GSR: variants seen among roughly 807,000 people sequenced by gnomAD.
GSR encodes glutathione reductase, mitochondrial.
A neutral mutation model predicts 56.5 loss-of-function variants in GSR; 48 were observed. The observed-to-expected ratio is 0.85, with a 90% confidence interval of 0.67 to 1.08. The LOEUF (loss-of-function observed/expected upper bound fraction) is 1.08, where lower values mean the gene tolerates loss of function less well. Among genes scored for constraint, GSR ranks in the 50% least tolerant of loss-of-function variants. The pLI, the probability that GSR is intolerant of heterozygous loss-of-function variation, is 0.00. For synonymous variants in GSR, 264 were observed against 270.8 expected, an observed-to-expected ratio of 0.97 and a Z score of 0.25; for missense variants, 694 against 703.3, an observed-to-expected ratio of 0.99 and a Z score of 0.15.
At chr8:30,721,936 A>C (rs1018057552) in intron 1 of GSR, among the ~76,000 whole-genome samples, 32 of 152,072 alleles carry the variant, frequency 2.1e-4, no homozygotes, top group African/African-American at 6.3e-4. Flanking sequence ...GAATCGCTTG[A>C]ACCCGGGAGG....
intron 5 of GSR, 135 bp from the exon 6 acceptor site, chr8:30,700,270 C>T: frequency 1.4e-6 from 1 of 732,050 alleles, no homozygotes; most frequent in East Asian, 2.7e-5. Flanking sequence ...GTTAAAGTCT[C>T]TGCTTGGAAA....
rs2128750555 is a variant in GSR, at chr8:30,727,535, T to C, written c.301A>G (p.Thr101Ala). ...AACAAACCGGCGGTACTCACGCAAG[T>C]GCCACCCAGCTTGTGGCTCTCCACC... ...AVVESHKLGGTCVNVGCVPKK... is the reference protein window; with the variant it reads ...AVVESHKLGGACVNVGCVPKK... The change falls in exon 1 of 13, where the codon ACT becomes GCT. Residue 101 changes from threonine to alanine, a missense_variant. Transcript: ENST00000221130. 1 of 1,537,340 alleles carries C rather than the reference T, an allele frequency of 6.5e-7. No homozygotes were observed. The highest frequency in any genetic ancestry group is 8.7e-7 in the Non-Finnish European group (1 of 1,145,088).
Position 30,679,659 on chromosome 8 carries a change from A to C in GSR, c.1430T>G (p.Ile477Ser), listed in dbSNP as rs1363007907. 1 of 1,612,940 alleles carries C rather than the reference A, an allele frequency of 6.2e-7. No homozygotes were observed. The highest frequency in any genetic ancestry group is 8.5e-7 in the Non-Finnish European group (1 of 1,179,392). The change falls in exon 13 of 13, where the codon ATC becomes AGC. Residue 477 changes from isoleucine to serine, a missense_variant. Ile to Ser is a moderately radical substitution (Grantham distance 142). Coordinates refer to ENST00000221130, the MANE Select transcript of GSR (RefSeq NM_000637.5). ...ATCACACCCAAGTCCCTGCATATGG[A>C]TCCCAACCACCTGGGAAAAGAAGAG... ...CANKEEKVVG[I>S]HMQGLGCDEM... is the part of the protein sequence containing the mutation.
At chr8:30,718,659 C>T (rs1804423737) in intron 1 of GSR, among the ~76,000 whole-genome samples, 1 of 152,112 alleles carries the variant, frequency 6.6e-6, no homozygotes, top group Non-Finnish European at 1.5e-5. Context: ...GCTCTGGTTG[C>T]CCAGAGTTGC....
chr8:30,693,405 G>T (rs1464321533), intron 7 of GSR, among the ~76,000 whole-genome samples: 1 of 152,180 alleles, frequency 6.6e-6, no homozygotes, highest in Non-Finnish European at 1.5e-5. Context: ...ATGATTGAAG[G>T]GAAGATTTAC....
intron 8 of GSR, 126 bp from the exon 9 acceptor site, chr8:30,689,445 C>T: frequency 2.5e-6 from 2 of 811,964 alleles, no homozygotes; most frequent in South Asian, 1.4e-5. Flanking sequence ...ATCCCACATA[C>T]AAAGATAGAC....
At chr8:30,718,176 C>G (rs1245603608) in intron 1 of GSR, among the ~76,000 whole-genome samples, 35 of 151,780 alleles carry the variant, frequency 2.3e-4, no homozygotes, top group Non-Finnish European at 1.5e-5. Context: ...CATCCTGAAA[C>G]CATACCCCAC....
chr8:30,684,222 T>G lies in GSR; in HGVS notation c.1042-23A>C, dbSNP rs372149247. The G allele has an allele frequency of 2.3e-6, 3 of 1,318,938 alleles. No individual in the cohort carries two copies. The African/African-American group carries it at 4.3e-5, about 19-fold the overall frequency. The allele number at this position is 1,318,938 out of a possible 1,614,324, so 81.7% of individuals were successfully genotyped here. ...CCCCTAAAATTACAAAGAGATATCA[T>G]GTAACCACTTGGCCCACCTACTAAA... On this transcript the variant is annotated intron_variant, in intron 9 of 12. Coordinates refer to ENST00000221130, the MANE Select transcript of GSR (RefSeq NM_000637.5).
intron 1 of GSR, among the ~76,000 whole-genome samples, chr8:30,717,558 T>C (rs1804377937): frequency 6.6e-6 from 1 of 152,098 alleles, no homozygotes; most frequent in East Asian, 1.9e-4. Context: ...TTCAGATCAG[T>C]GGCGGCATTA....
intron 2 of GSR, among the ~76,000 whole-genome samples, chr8:30,711,525 C>T (rs188838935): frequency 3.0e-4 from 45 of 152,252 alleles, no homozygotes; most frequent in African/African-American, 9.6e-4. Context: ...AAAAAACTAT[C>T]CTGTGGTGTA....
chr8:30,700,402 C>T (rs908240567), intron 5 of GSR, among the ~76,000 whole-genome samples: 1 of 151,950 alleles, frequency 6.6e-6, no homozygotes, highest in African/African-American at 2.4e-5. Flanking sequence ...CATGAACAGA[C>T]TCTGTTGGAT....
chr8:30,703,631 C>T (rs1803821255), intron 4 of GSR, among the ~76,000 whole-genome samples: 1 of 151,910 alleles, frequency 6.6e-6, no homozygotes, highest in Non-Finnish European at 1.5e-5. Flanking sequence ...CCTGTAGTCC[C>T]AGCTCTTTGA....
At chr8:30,707,997 C>T (rs1312256038) in intron 4 of GSR, 75 bp downstream of exon 4, 1 of 902,292 alleles carries the variant, frequency 1.1e-6, no homozygotes, top group Non-Finnish European at 1.9e-6. Context: ...AATAGGGCTA[C>T]AGTCTGGCAA....
chr8:30,709,455 T>C (rs1251701376), intron 3 of GSR, among the ~76,000 whole-genome samples: 1 of 151,994 alleles, frequency 6.6e-6, no homozygotes, highest in East Asian at 1.9e-4. Context: ...AAGGAACAAA[T>C]ATTGTATGAT....
Position 30,689,736 on chromosome 8 carries a change from G to A in GSR, c.883-417C>T, listed in dbSNP as rs528454868. On this transcript the variant is annotated intron_variant, in intron 8 of 12. Transcript: ENST00000221130. ...TTAGTGCCTCTCCCTGGGTATATAC[G>A]TGTGTGTGTGTATATATATATATAT... is the stretch of plus-strand genomic sequence containing the variant. Among the ~76,000 whole-genome samples the A allele has an allele frequency of 2.0e-4, 10 of 49,630 alleles. No homozygotes were observed. In the East Asian group the frequency reaches 4.1e-3, roughly 20 times the overall value. 32.6% of individuals were successfully genotyped at this position (49,630 alleles called of 152,430 possible).
chr8:30,685,023 G>A (rs1345078231), intron 9 of GSR, among the ~76,000 whole-genome samples: 2 of 151,140 alleles, frequency 1.3e-5, no homozygotes, highest in East Asian at 1.9e-4. Flanking sequence ...AGGCTGGCGC[G>A]ATCTAGGCTC....
At chr8:30,706,634 G>A (rs1803931043) in intron 4 of GSR, among the ~76,000 whole-genome samples, 1 of 152,130 alleles carries the variant, frequency 6.6e-6, no homozygotes, top group African/African-American at 2.4e-5. Flanking sequence ...TGATGCACAG[G>A]TTGTCAATGT....
chr8:30,717,686 T>A (rs1324695176), intron 1 of GSR, among the ~76,000 whole-genome samples: 1 of 152,084 alleles, frequency 6.6e-6, no homozygotes, highest in Non-Finnish European at 1.5e-5. Context: ...CAGCCCCAGA[T>A]GGGACCAACT....
At chr8:30,714,519 T>TA (rs1563543042) in intron 1 of GSR, among the ~76,000 whole-genome samples, 1 of 151,040 alleles carries the variant, frequency 6.6e-6, no homozygotes, top group East Asian at 2.0e-4. Context: ...TAAAAAAAAA[T>TA]AAAAAATATT....
Sources: gnomAD v4.1 joint callset for allele counts (sites outside exome capture counted in the v4.1 genomes callset) on GRCh38, gnomAD v4.1.1 for gene constraint, MANE v1.5 for transcripts, NCBI Gene and HGNC (gene_info 2026-07-23, HGNC 2026-07-21) for gene names.